The following PDE1A variants were observed in gnomAD, a reference collection of about 807,000 sequenced individuals.
PDE1A encodes dual specificity calcium/calmodulin-dependent 3',5'-cyclic nucleotide phosphodiesterase 1A.
A neutral mutation model predicts 61.7 loss-of-function variants in PDE1A; 35 were observed. The observed-to-expected ratio is 0.57, with a 90% CI of 0.43 to 0.75. PDE1A has a LOEUF of 0.75. PDE1A is among the 30% of genes least tolerant of loss of function. PDE1A has a pLI of 0.00. For missense variants in PDE1A, 597 were observed against 630.6 expected, an observed-to-expected ratio of 0.95 and a Z score of 0.57; for synonymous variants, 232 against 213.2, an observed-to-expected ratio of 1.09 and a Z score of -0.77.
intron 1 of PDE1A, among the ~76,000 whole-genome samples, chr2:182,279,740 T>C (rs1257067487): frequency 2.0e-5 from 3 of 151,938 alleles, no homozygotes; most frequent in African/African-American, 7.2e-5. Flanking sequence ...ATATTTAATT[T>C]CTCTTTCTCT....
At chr2:182,383,636 C>T (rs1449288367) in intron 1 of PDE1A, among the ~76,000 whole-genome samples, 4 of 151,928 alleles carry the variant, frequency 2.6e-5, no homozygotes, top group African/African-American at 7.3e-5. Context: ...CAGTAGTTAT[C>T]CCCCAACAAA....
downstream of PDE1A, among the ~76,000 whole-genome samples, chr2:182,167,537 C>A (rs181796890): frequency 6.6e-6 from 1 of 152,220 alleles, no homozygotes; most frequent in Admixed American, 6.5e-5. Context: ...GCTTTTTCCC[C>A]AAACCTGCTA....
chr2:182,429,456 T>G (rs1703812399), upstream of PDE1A, among the ~76,000 whole-genome samples: 1 of 152,056 alleles, frequency 6.6e-6, no homozygotes, highest in African/African-American at 2.4e-5. Flanking sequence ...TATGAATAGT[T>G]TTTTTCCTGA....
chr2:182,377,008 T>A (rs1700448319), intron 1 of PDE1A, among the ~76,000 whole-genome samples: 1 of 152,142 alleles, frequency 6.6e-6, no homozygotes, highest in African/African-American at 2.4e-5. Context: ...TCACAACACA[T>A]GAGAATTACG....
At chr2:182,286,842 T>G (rs975815934) in intron 1 of PDE1A, among the ~76,000 whole-genome samples, 1 of 152,154 alleles carries the variant, frequency 6.6e-6, no homozygotes, top group Non-Finnish European at 1.5e-5. Context: ...GATGAACAAC[T>G]AGCCATACAT....
At chr2:182,347,853 G>A (rs1248283982) in intron 1 of PDE1A, among the ~76,000 whole-genome samples, 2 of 152,116 alleles carry the variant, frequency 1.3e-5, no homozygotes, top group Non-Finnish European at 2.9e-5. Context: ...CTTCATGAAG[G>A]AGGAGCATAA....
intron 1 of PDE1A, among the ~76,000 whole-genome samples, chr2:182,384,458 A>AAATAATAATAATAATAAC (rs1553606053): frequency 2.1e-5 from 3 of 141,920 alleles, no homozygotes; most frequent in African/African-American, 8.2e-5. Context: ...AATAAAGAGA[A>AAATAATAATAATAATAAC]AATAATAATA....
intron 1 of PDE1A, among the ~76,000 whole-genome samples, chr2:182,395,005 G>A (rs977707825): frequency 6.6e-6 from 1 of 152,200 alleles, no homozygotes; most frequent in South Asian, 2.1e-4. Context: ...AAGACAGATG[G>A]ATCTCTGAGA....
At chr2:182,295,373 C>G (rs1694818004) in intron 1 of PDE1A, among the ~76,000 whole-genome samples, 1 of 152,082 alleles carries the variant, frequency 6.6e-6, no homozygotes, top group African/African-American at 2.4e-5. Flanking sequence ...CTTTGTAAAT[C>G]GAATAACAGA....
At chr2:182,467,085 A>G (rs966779867) in intron 2 of PDE1A, among the ~76,000 whole-genome samples, 2 of 151,812 alleles carry the variant, frequency 1.3e-5, no homozygotes, top group African/African-American at 4.8e-5. Context: ...GAAGGGATAA[A>G]GGAAAAGAAA....
chr2:182,479,109 T>C (rs1227158227), intron 2 of PDE1A, among the ~76,000 whole-genome samples: 4 of 151,902 alleles, frequency 2.6e-5, no homozygotes, highest in East Asian at 1.9e-4. Context: ...CAAATGCAAA[T>C]ATATGTGAAT....
intron 10 of PDE1A, among the ~76,000 whole-genome samples, chr2:182,198,591 ATAAT>A (rs750165248): frequency 1.1e-3 from 160 of 151,692 alleles, no homozygotes; most frequent in African/African-American, 3.7e-3. Context: ...TATAGGGTTG[ATAAT>A]TAATATATTT....
At chr2:182,399,568 G>A (rs915213628) in intron 1 of PDE1A, among the ~76,000 whole-genome samples, 1 of 151,982 alleles carries the variant, frequency 6.6e-6, no homozygotes, top group Non-Finnish European at 1.5e-5. Flanking sequence ...CTTATCAATT[G>A]TAATAGTATA....
At chr2:182,431,821 C>T (rs530818566), upstream of PDE1A, among the ~76,000 whole-genome samples, 2 of 152,148 alleles carry the variant, frequency 1.3e-5, no homozygotes, top group South Asian at 4.1e-4. Flanking sequence ...ATTTAACATT[C>T]TATTGGGAAA....
chr2:182,461,043 C>T (rs1686251101), intron 2 of PDE1A, among the ~76,000 whole-genome samples: 2 of 152,100 alleles, frequency 1.3e-5, no homozygotes. Flanking sequence ...TTTTAATATA[C>T]TAAAGTACCC....
chr2:182,422,973 G>A (rs1483957769), intron 1 of PDE1A, among the ~76,000 whole-genome samples: 1 of 152,140 alleles, frequency 6.6e-6, no homozygotes, highest in African/African-American at 2.4e-5. Context: ...TTTCTCCTGA[G>A]GAAAAGGAGC....
intron 13 of PDE1A, among the ~76,000 whole-genome samples, chr2:182,153,886 G>T (rs1690927302): frequency 6.6e-6 from 1 of 152,136 alleles, no homozygotes; most frequent in South Asian, 2.1e-4. Flanking sequence ...TAAGGGATGA[G>T]AAATTACTTA....
intron 3 of PDE1A, among the ~76,000 whole-genome samples, chr2:182,234,998 G>A (rs1689893575): frequency 6.6e-6 from 1 of 152,040 alleles, no homozygotes; most frequent in African/African-American, 2.4e-5. Context: ...TAATGATATT[G>A]GGGAAATCAT....
chr2:182,455,494 C>G (rs1274415723), intron 2 of PDE1A, among the ~76,000 whole-genome samples: 1 of 152,098 alleles, frequency 6.6e-6, no homozygotes, highest in East Asian at 1.9e-4. Flanking sequence ...ATAGCAAAGA[C>G]TTGGAACCAA....
Sources: allele counts gnomAD v4.1 joint callset (sites outside exome capture counted in the v4.1 genomes callset), GRCh38; gene constraint gnomAD v4.1.1; transcripts MANE v1.5; gene names NCBI Gene and HGNC (gene_info 2026-07-23, HGNC 2026-07-21).